APOBEC3F: variants seen among roughly 807,000 people sequenced by gnomAD.
APOBEC3F encodes the protein DNA dC->dU-editing enzyme APOBEC-3F.
APOBEC3F carries 34 observed loss-of-function variants against 45.8 expected under a neutral mutation model. The observed-to-expected ratio is 0.74, with a 90% CI of 0.57 to 0.99. The LOEUF (loss-of-function observed/expected upper bound fraction) is 0.99. Ranked by LOEUF, APOBEC3F falls within the 50% of genes least tolerant of loss-of-function variation. The probability of loss-of-function intolerance (pLI) is 0.00; values close to 1 mark genes in which losing one functional copy is unlikely to be tolerated. For missense variants in APOBEC3F, 459 were observed against 474.1 expected (o/e 0.97, Z 0.30); for synonymous variants, 192 against 174.4 (o/e 1.10, Z -0.80).
intron 1 of APOBEC3F, 42 bp downstream of exon 1, chr22:39,041,019 C>G (rs1220833592): frequency 1.3e-6 from 2 of 1,572,746 alleles, no homozygotes; most frequent in East Asian, 2.3e-5. Flanking sequence ...TCTGCTGCCC[C>G]TTCCTGCCTG....
Position 39,042,839 on chromosome 22 carries a change from G to A in APOBEC3F, c.18-98G>A, listed in dbSNP as rs1461185133. 5 of 1,538,818 alleles carry A rather than the reference G, an allele frequency of 3.2e-6. No individual in the cohort carries two copies. The East Asian group carries it at 6.9e-5, about 21-fold the overall frequency. Reference sequence around the variant, plus strand: ...TCAGGGCTGTGGAGGGGTTGGGGAGGCCCAGAGCCATGCAGGGGGCTGTGT... The same window carrying A: ...TCAGGGCTGTGGAGGGGTTGGGGAGACCCAGAGCCATGCAGGGGGCTGTGT... On this transcript the variant is annotated intron_variant, in intron 1 of 6. Coordinates refer to ENST00000308521, the MANE Select transcript of APOBEC3F (RefSeq NM_145298.6).
rs1462539828 is a variant in APOBEC3F at position 39,043,704 on chromosome 22, CACACTG to C, written c.171+616_171+621del. On this transcript the variant is annotated intron_variant, in intron 2 of 6. Transcript: ENST00000308521. Reference sequence around the variant, plus strand: ...ACAAGATAATGAAGTTTCTTTTTGTCACACTGAGTCTTTGAAATGAGCTGTGTAGGC... The same window carrying C: ...ACAAGATAATGAAGTTTCTTTTTGTCAGTCTTTGAAATGAGCTGTGTAGGC... Among the ~76,000 whole-genome samples, 4 of 151,930 alleles carry C rather than the reference CACACTG, an allele frequency of 2.6e-5. No homozygotes were observed. The South Asian group carries it at 8.3e-4, about 32-fold the overall frequency.
chr22:39,049,636 A>G, intron 5 of APOBEC3F, 55 bp downstream of exon 5: 2 of 1,593,896 alleles, frequency 1.3e-6, no homozygotes, highest in Non-Finnish European at 1.7e-6. Flanking sequence ...CTAGGAATGC[A>G]GAAAACACAA....
chr22:39,043,366 T>G (rs1169626182), intron 2 of APOBEC3F, among the ~76,000 whole-genome samples: 2 of 149,906 alleles, frequency 1.3e-5, no homozygotes, highest in African/African-American at 4.9e-5. Context: ...AATGACGCGA[T>G]CTCGGCTCAC....
Position 39,052,365 on chromosome 22 carries a change from G to C in APOBEC3F, c.1003+12G>C, listed in dbSNP as rs374934989. ...CATGGGCTACAAAGGTGAGACGTTG[G>C]GGGGCTGAGGAGAGTGGGTGCGGGA... On this transcript the variant is annotated intron_variant, in intron 6 of 6. Transcript: ENST00000308521. The C allele has an allele frequency of 1.2e-6, 2 of 1,613,380 alleles. No homozygotes were observed. The highest frequency in any genetic ancestry group is 1.7e-6 in the Non-Finnish European group (2 of 1,179,340).
Position 39,044,129 on chromosome 22 carries a change from C to A in APOBEC3F, c.172-812C>A, listed in dbSNP as rs767833800. 46 of 1,566,964 alleles carry A rather than the reference C, an allele frequency of 2.9e-5. No individual in the cohort carries two copies. In the South Asian group the frequency reaches 5.4e-4, roughly 18 times the overall value. ...GCCCCATTTCAAGTGCTCAGTAGCC[C>A]CTTTGGCCAGTGCGCCCCACCACAT... is the stretch of plus-strand genomic sequence containing the variant. On this transcript the variant is annotated intron_variant, in intron 2 of 6. Coordinates refer to ENST00000308521, the MANE Select transcript of APOBEC3F (RefSeq NM_145298.6).
At chr22:39,050,564 A>C (rs1927438208) in intron 5 of APOBEC3F, among the ~76,000 whole-genome samples, 1 of 150,782 alleles carries the variant, frequency 6.6e-6, no homozygotes, top group Non-Finnish European at 1.5e-5. Context: ...AACTTGTGGA[A>C]GAAATTTTAG....
chr22:39,047,955 G>T (rs1278402619), intron 4 of APOBEC3F, among the ~76,000 whole-genome samples: 1 of 152,160 alleles, frequency 6.6e-6, no homozygotes, highest in Non-Finnish European at 1.5e-5. Flanking sequence ...GGATGTGGGG[G>T]AGGGAATGGT....
At chr22:39,051,643 C>G (rs1157820910) in intron 5 of APOBEC3F, among the ~76,000 whole-genome samples, 1 of 151,696 alleles carries the variant, frequency 6.6e-6, no homozygotes, top group Non-Finnish European at 1.5e-5. Flanking sequence ...TAGTATGTAC[C>G]CAAAAAAATG....
At chr22:39,045,670 C>A in intron 4 of APOBEC3F, 128 bp downstream of exon 4, 1 of 1,501,896 alleles carries the variant, frequency 6.7e-7, no homozygotes, top group South Asian at 1.3e-5. Context: ...TTACACCCCT[C>A]ACCCACACTC....
chr22:39,050,551 A>G (rs921237912), intron 5 of APOBEC3F, among the ~76,000 whole-genome samples: 25 of 149,800 alleles, frequency 1.7e-4, no homozygotes, highest in Non-Finnish European at 4.4e-5. Flanking sequence ...AAAAGGCGAC[A>G]AGAACTTGTG....
Position 39,052,751 on chromosome 22 carries a change from A to T in APOBEC3F, c.*56A>T. The T allele has an allele frequency of 1.3e-6, 2 of 1,567,370 alleles. No individual in the cohort carries two copies. The highest frequency in any genetic ancestry group is 4.5e-5 in the East Asian group (2 of 44,484). ...CTCTAGCCTCCTGCTCATGTTGTGC[A>T]GGCCTCCCCTCCATCCTGGACCAGC... On this transcript the variant is annotated 3_prime_UTR_variant, in exon 7 of 7. Coordinates refer to ENST00000308521, the MANE Select transcript of APOBEC3F (RefSeq NM_145298.6).
intron 5 of APOBEC3F, among the ~76,000 whole-genome samples, chr22:39,051,644 C>CA (rs891983153): frequency 1.6e-4 from 24 of 151,530 alleles, no homozygotes; most frequent in Non-Finnish European, 2.4e-4. Flanking sequence ...AGTATGTACC[C>CA]AAAAAAATGA....
Position 39,052,971 on chromosome 22 carries a change from C to T in APOBEC3F, c.*276C>T, listed in dbSNP as rs1927570174. On this transcript the variant is annotated 3_prime_UTR_variant, in exon 7 of 7. Transcript: ENST00000308521. ...GCCCCTAACCTGCCTTTTCCCATCTCCCCAGCATAACCTAATATTTTTTTT... is the reference window on the plus strand; with the variant it reads ...GCCCCTAACCTGCCTTTTCCCATCTTCCCAGCATAACCTAATATTTTTTTT... 4.1e-6 allele frequency: 2 copies of T among 488,502 alleles called. No individual in the cohort carries two copies. The highest frequency in any genetic ancestry group is 6.2e-6 in the Non-Finnish European group (2 of 323,614). The allele number at this position is 488,502 out of a possible 1,614,324, so 30.3% of individuals were successfully genotyped here.
chr22:39,049,614 G>A, intron 5 of APOBEC3F, 33 bp downstream of exon 5: 1 of 1,609,656 alleles, frequency 6.2e-7, no homozygotes, highest in Admixed American at 1.7e-5. Context: ...ACCCCAAATA[G>A]GAGCTAAGCA....
chr22:39,045,895 G>A (rs1347139769), intron 4 of APOBEC3F, among the ~76,000 whole-genome samples: 1 of 146,352 alleles, frequency 6.8e-6, no homozygotes, highest in East Asian at 1.9e-4. Context: ...AAGGCCGACA[G>A]CCAGAAGCTT....
At position 39,044,190 on chromosome 22, in the gene APOBEC3F, C is replaced by T. The variant is rs751195897; in HGVS notation, c.172-751C>T. On this transcript the variant is annotated intron_variant, in intron 2 of 6. Transcript: ENST00000308521. ...AGGTCCAGTGGCCTCCCCAGCTGAC[C>T]GCAGGCAGGGAACAAGGCAGACCCT... is the stretch of plus-strand genomic sequence containing the variant. 5.9e-5 allele frequency: 95 copies of T among 1,609,082 alleles called. 1 individual carries two copies. The Middle Eastern group carries it at 9.9e-4, about 17-fold the overall frequency.
At chr22:39,049,387 G>A (rs373341511) in intron 4 of APOBEC3F, 38 bp from the exon 5 acceptor site, 178 of 1,607,616 alleles carry the variant, frequency 1.1e-4, no homozygotes, top group African/African-American at 4.7e-4. Flanking sequence ...GGAATCCAGG[G>A]GGGTCTCTGC....
chr22:39,054,870 G>T lies in APOBEC3F; in HGVS notation c.*2175G>T, dbSNP rs1231443106. 1.3e-5 allele frequency among the ~76,000 whole-genome samples: 2 copies of T among 152,106 alleles called. No homozygotes were observed. Among genetic ancestry groups the T allele is most frequent in the Non-Finnish European group, 1.5e-5 (1 of 68,018 alleles). ...CTCCACAGAAGATGCCCTGGGCCAG[G>T]TGCCCACATGAATAATGCGGGCCAC... is the stretch of plus-strand genomic sequence containing the variant. On this transcript the variant is annotated 3_prime_UTR_variant, in exon 7 of 7. Transcript: ENST00000308521.
Sources: allele counts gnomAD v4.1 joint callset (sites outside exome capture counted in the v4.1 genomes callset), GRCh38; gene constraint gnomAD v4.1.1; transcripts MANE v1.5; gene names NCBI Gene and HGNC (gene_info 2026-07-23, HGNC 2026-07-21).